The following SERGEF variants were observed in gnomAD, a reference collection of about 807,000 sequenced individuals.
SERGEF encodes the protein secretion regulating guanine nucleotide exchange factor.
Under a neutral mutation model 50.0 loss-of-function variants are expected in SERGEF, and 51 were observed. The observed-to-expected ratio is 1.02, with a 90% CI of 0.81 to 1.29. SERGEF has a LOEUF of 1.29. Among genes scored for constraint, SERGEF ranks in the 50% most tolerant of loss-of-function variants. SERGEF has a pLI of 0.00. For synonymous variants in SERGEF, 205 were observed against 212.4 expected (o/e 0.97, Z 0.30); for missense variants, 521 against 557.0 (o/e 0.94, Z 0.65).
At chr11:17,998,428 CATACATACATACATAT>C (rs1368624610) in intron 5 of SERGEF, among the ~76,000 whole-genome samples, 56 of 10,070 alleles carry the variant, frequency 5.6e-3, no homozygotes, top group African/African-American at 0.022. Context: ...AAAATACATA[CATACATACATACATAT>C]ATATATATAT....
intron 9 of SERGEF, among the ~76,000 whole-genome samples, chr11:17,932,289 T>C (rs573676567): frequency 1.8e-3 from 278 of 152,284 alleles, no homozygotes; most frequent in African/African-American, 6.3e-3. Context: ...TTTCCAAATA[T>C]AGGCCTTTTC....
intron 10 of SERGEF, among the ~76,000 whole-genome samples, chr11:17,791,096 A>G (rs963364262): frequency 1.3e-5 from 2 of 152,210 alleles, no homozygotes; most frequent in Non-Finnish European, 2.9e-5. Flanking sequence ...CTTTTGTTAT[A>G]CACATTTACT....
chr11:17,989,047 T>C (rs919345870), intron 7 of SERGEF, among the ~76,000 whole-genome samples: 1 of 152,224 alleles, frequency 6.6e-6, no homozygotes, highest in African/African-American at 2.4e-5. Context: ...ATGCAACATC[T>C]ACCATGTGTA....
chr11:17,950,950 T>G (rs1332230991), intron 9 of SERGEF, among the ~76,000 whole-genome samples: 1 of 152,144 alleles, frequency 6.6e-6, no homozygotes, highest in Non-Finnish European at 1.5e-5. Context: ...GAATTTCCTC[T>G]GCTGCTGAAA....
intron 10 of SERGEF, among the ~76,000 whole-genome samples, chr11:17,861,112 A>C (rs1458730245): frequency 6.6e-6 from 1 of 152,206 alleles, no homozygotes; most frequent in African/African-American, 2.4e-5. Context: ...CCAGTAATGC[A>C]TGTCTGTGGC....
chr11:17,867,405 A>C (rs1851049826), intron 10 of SERGEF, among the ~76,000 whole-genome samples: 1 of 152,250 alleles, frequency 6.6e-6, no homozygotes, highest in Non-Finnish European at 1.5e-5. Context: ...TCCATGTCTC[A>C]CAGCCAGGTC....
At chr11:17,851,685 G>A (rs1362636673) in intron 10 of SERGEF, among the ~76,000 whole-genome samples, 2 of 152,238 alleles carry the variant, frequency 1.3e-5, no homozygotes, top group Non-Finnish European at 2.9e-5. Context: ...GAGAGTTAAA[G>A]GCTGGCGTGG....
intron 1 of SERGEF, 32 bp from the exon 2 acceptor site, chr11:18,008,108 G>A (rs781173857): frequency 1.1e-5 from 17 of 1,602,584 alleles, no homozygotes; most frequent in Middle Eastern, 1.7e-4. Flanking sequence ...ATGAAAAAGT[G>A]TGGGAACCAC....
chr11:17,893,382 G>A (rs531468253), intron 9 of SERGEF, among the ~76,000 whole-genome samples: 6 of 152,146 alleles, frequency 3.9e-5, no homozygotes, highest in African/African-American at 7.2e-5. Context: ...ACCAGATAGT[G>A]AAGATTAAAT....
At chr11:17,808,051 GGCTAAAGGCCTGAGTCAAA>G (rs1167222165) in intron 10 of SERGEF, among the ~76,000 whole-genome samples, 1 of 152,066 alleles carries the variant, frequency 6.6e-6, no homozygotes, top group Non-Finnish European at 1.5e-5. Context: ...AGTTTCTTGG[GGCTAAAGGCCTGAGTCAAA>G]CTCTTACTGG....
intron 10 of SERGEF, among the ~76,000 whole-genome samples, chr11:17,839,692 C>A (rs1433735658): frequency 2.6e-5 from 4 of 152,190 alleles, no homozygotes; most frequent in Non-Finnish European, 4.4e-5. Context: ...CATGTGCACA[C>A]CATCCACGCG....
chr11:17,986,714 T>C (rs572867464), intron 8 of SERGEF, among the ~76,000 whole-genome samples: 16 of 152,362 alleles, frequency 1.1e-4, no homozygotes, highest in African/African-American at 3.4e-4. Flanking sequence ...CACCATTTGG[T>C]AGTAAGTGTA....
chr11:17,915,875 A>T (rs983739606), intron 9 of SERGEF, among the ~76,000 whole-genome samples: 1 of 152,216 alleles, frequency 6.6e-6, no homozygotes, highest in Non-Finnish European at 1.5e-5. Context: ...GGGAAAGGCT[A>T]GGCAAAGAAG....
intron 9 of SERGEF, among the ~76,000 whole-genome samples, chr11:17,880,428 T>C (rs1014073565): frequency 1.3e-5 from 2 of 152,202 alleles, no homozygotes; most frequent in Admixed American, 1.3e-4. Context: ...GGTAGAGCCA[T>C]CTGATGGACT....
chr11:17,871,556 G>A (rs1308996341), intron 10 of SERGEF, among the ~76,000 whole-genome samples: 12 of 151,628 alleles, frequency 7.9e-5, no homozygotes, highest in Admixed American at 4.6e-4. Context: ...CAAGATATAA[G>A]GGATGCCTGC....
chr11:17,924,888 A>G (rs2133942438), intron 9 of SERGEF, among the ~76,000 whole-genome samples: 1 of 152,162 alleles, frequency 6.6e-6, no homozygotes, highest in East Asian at 1.9e-4. Context: ...TGAATATGGA[A>G]AATTCCAGCT....
intron 8 of SERGEF, among the ~76,000 whole-genome samples, chr11:17,976,610 T>C (rs1235188813): frequency 1.3e-5 from 2 of 151,900 alleles, no homozygotes; most frequent in African/African-American, 4.8e-5. Flanking sequence ...GTCACTGTGA[T>C]TATTGAGAGC....
chr11:17,862,242 C>G (rs1025702222), intron 10 of SERGEF, among the ~76,000 whole-genome samples: 1 of 152,202 alleles, frequency 6.6e-6, no homozygotes, highest in Non-Finnish European at 1.5e-5. Context: ...ATCATCTCTT[C>G]TAAGAAGCAT....
At chr11:17,827,722 G>A (rs970942111) in intron 10 of SERGEF, among the ~76,000 whole-genome samples, 3 of 152,154 alleles carry the variant, frequency 2.0e-5, no homozygotes, top group Non-Finnish European at 4.4e-5. Context: ...CGAACTTCCA[G>A]ATAACAAAGG....
Sources: allele counts gnomAD v4.1 joint callset (sites outside exome capture counted in the v4.1 genomes callset), GRCh38; gene constraint gnomAD v4.1.1; transcripts MANE v1.5; gene names NCBI Gene and HGNC (gene_info 2026-07-23, HGNC 2026-07-21).